The following CSDE1 variants were observed in gnomAD, a reference collection of about 807,000 sequenced individuals.
CSDE1 encodes the protein cold shock domain containing E1, also known as cold shock domain-containing protein E1.
Under a neutral mutation model 89.3 loss-of-function variants are expected in CSDE1, and 17 were observed. The ratio of observed to expected loss-of-function variants is 0.19; its 90% CI spans 0.13 to 0.29. CSDE1 has a LOEUF of 0.29. Ranked by LOEUF, CSDE1 falls within the 10% of genes least tolerant of loss-of-function variation. The probability of loss-of-function intolerance (pLI) is 1.00; values close to 1 mark genes in which losing one functional copy is unlikely to be tolerated. For missense variants in CSDE1, 672 were observed against 984.2 expected, an observed-to-expected ratio of 0.68 and a Z score of 4.24; for synonymous variants, 322 against 332.8, an observed-to-expected ratio of 0.97 and a Z score of 0.35.
intron 16 of CSDE1, 119 bp downstream of exon 16, chr1:114,723,764 T>C: frequency 1.4e-6 from 2 of 1,409,802 alleles, no homozygotes; most frequent in Non-Finnish European, 2.0e-6. Context: ...GAGGTCACTT[T>C]TCCTTAATTC....
intron 1 of CSDE1, among the ~76,000 whole-genome samples, chr1:114,752,729 A>G (rs983565025): frequency 6.6e-6 from 1 of 152,242 alleles, no homozygotes; most frequent in African/African-American, 2.4e-5. Flanking sequence ...TGACCATTCC[A>G]GCAGACTCAT....
chr1:114,754,544 T>A (rs973177972), intron 1 of CSDE1, among the ~76,000 whole-genome samples: 3 of 152,214 alleles, frequency 2.0e-5, no homozygotes, highest in African/African-American at 7.2e-5. Context: ...TTAGGCAGTA[T>A]CTTCTTTTAG....
chr1:114,743,383 G>T (rs1055037299), intron 2 of CSDE1, among the ~76,000 whole-genome samples: 8 of 152,032 alleles, frequency 5.3e-5, no homozygotes, highest in Admixed American at 3.9e-4. Flanking sequence ...GTAGAGACGG[G>T]GTTTCACCAT....
At position 114,730,241 on chromosome 1, in the gene CSDE1, G is replaced by A; in HGVS notation, c.1356+17C>T. 6.2e-7 allele frequency: 1 copy of A among 1,609,678 alleles called. No homozygotes were observed. Reference sequence around the variant, plus strand: ...AATAAACAGCTACAAAAATCATTTGGATTATGCAAAACCTACCTTCTCTTT... The same window carrying A: ...AATAAACAGCTACAAAAATCATTTGAATTATGCAAAACCTACCTTCTCTTT... On this transcript the variant is annotated intron_variant, in intron 12 of 19. Coordinates refer to ENST00000358528, the MANE Select transcript of CSDE1 (RefSeq NM_001007553.3).
intron 4 of CSDE1, 49 bp downstream of exon 4, chr1:114,737,913 AT>A: frequency 8.4e-7 from 1 of 1,187,434 alleles, no homozygotes; most frequent in Non-Finnish European, 1.3e-6. Flanking sequence ...AATGTGAAAG[AT>A]ATGCAAATGC....
At chr1:114,754,752 C>T (rs1166299607) in intron 1 of CSDE1, among the ~76,000 whole-genome samples, 2 of 152,152 alleles carry the variant, frequency 1.3e-5, no homozygotes, top group Non-Finnish European at 2.9e-5. Context: ...AATAAAAAAT[C>T]AAACTGACAC....
intron 18 of CSDE1, among the ~76,000 whole-genome samples, 193 bp downstream of exon 18, chr1:114,719,383 GGAA>G (rs1289748763): frequency 4.6e-5 from 7 of 152,154 alleles, no homozygotes; most frequent in Non-Finnish European, 7.4e-5. Flanking sequence ...ATGACTTAAT[GGAA>G]GAAGAAGAAT....
chr1:114,719,885 G>T (rs909874800), intron 17 of CSDE1, 143 bp from the exon 18 acceptor site: 2 of 725,002 alleles, frequency 2.8e-6, no homozygotes, highest in Middle Eastern at 2.7e-4. Flanking sequence ...GGCAAAACCT[G>T]TCAGGGAAGA....
chr1:114,722,571 AC>A (rs1410857868), intron 16 of CSDE1, among the ~76,000 whole-genome samples: 3 of 152,120 alleles, frequency 2.0e-5, no homozygotes, highest in Non-Finnish European at 2.9e-5. Context: ...CCTAAACAAA[AC>A]CCTTGCTTTG....
Position 114,724,136 on chromosome 1 carries a change from C to A in CSDE1, c.1754-134G>T, listed in dbSNP as rs1251784971. On this transcript the variant is annotated intron_variant, in intron 15 of 19. Transcript: ENST00000358528. Reference sequence around the variant, plus strand: ...GCTGCTATTGAAATGGGGTAGGGAACCTGAAGCCAAGTTCTATTTTTAGAA... The same window carrying A: ...GCTGCTATTGAAATGGGGTAGGGAAACTGAAGCCAAGTTCTATTTTTAGAA... The A allele has an allele frequency of 1.4e-5, 12 of 838,716 alleles. No homozygotes were observed. The East Asian group carries it at 2.3e-4, about 16-fold the overall frequency. The allele number at this position is 838,716 out of a possible 1,614,324, so 52.0% of individuals were successfully genotyped here.
chr1:114,727,298 C>T (rs1659848815), intron 12 of CSDE1, among the ~76,000 whole-genome samples: 1 of 152,148 alleles, frequency 6.6e-6, no homozygotes, highest in Non-Finnish European at 1.5e-5. Flanking sequence ...TTTAATTGGT[C>T]TTTCAATCTT....
Position 114,737,583 on chromosome 1 carries a change from A to G in CSDE1, c.310-20T>C. ...CACAACCTACCAGTCAAAAAAAAAA[A>G]AATTTCCATTGCTAATCATTTCAGG... On this transcript the variant is annotated intron_variant, in intron 4 of 19. Transcript: ENST00000358528. 1.3e-6 allele frequency: 2 copies of G among 1,597,580 alleles called. No individual in the cohort carries two copies. The highest frequency in any genetic ancestry group is 1.7e-4 in the Middle Eastern group (1 of 6,024).
intron 6 of CSDE1, 78 bp from the exon 7 acceptor site, chr1:114,734,601 A>C: frequency 9.3e-7 from 1 of 1,076,238 alleles, no homozygotes; most frequent in East Asian, 2.5e-5. Context: ...TATGAGTCTA[A>C]AGAAACTAGT....
At chr1:114,738,897 T>C (rs1660562207) in intron 3 of CSDE1, among the ~76,000 whole-genome samples, 1 of 152,004 alleles carries the variant, frequency 6.6e-6, no homozygotes, top group African/African-American at 2.4e-5. Context: ...AAGCTGGTCT[T>C]GAATTCCTGA....
In CSDE1 at chr1:114,730,347, G is replaced by A. The variant is rs1401692758; in HGVS notation, c.1267C>T (p.His423Tyr). The A allele has an allele frequency of 1.2e-6, 2 of 1,614,126 alleles. No homozygotes were observed. The highest frequency in any genetic ancestry group is 1.7e-6 in the Non-Finnish European group (2 of 1,180,008). The part of the protein sequence containing the change: ...LPKGTVSFHS[H>Y]SDHRFLGTVE... ...GTGCCCAGAAAACGGTGATCTGAAT[G>A]GGAATGAAATGAAACCGTGCCCTTG... The change falls in exon 12 of 20, where the codon CAT becomes TAT. Residue 423 changes from histidine to tyrosine, a missense_variant. Coordinates refer to ENST00000358528, the MANE Select transcript of CSDE1 (RefSeq NM_001007553.3).
At chr1:114,739,602 A>G (rs1660609014) in intron 3 of CSDE1, 90 bp downstream of exon 3, 16 of 1,115,426 alleles carry the variant, frequency 1.4e-5, no homozygotes, top group Admixed American at 1.9e-5. Flanking sequence ...TTTAATTTAC[A>G]TAAAACTTTT....
In CSDE1 at chr1:114,726,401, G is replaced by T. The variant is rs540427550; in HGVS notation, c.1465-15C>A. On this transcript the variant is annotated splice_polypyrimidine_tract_variant and intron_variant, in intron 13 of 19. Coordinates refer to ENST00000358528, the MANE Select transcript of CSDE1 (RefSeq NM_001007553.3). ...CTAAATTCAACCTGTGAAAATTAAG[G>T]ATGCTCATTAACACCATATCACTTC... The T allele has an allele frequency of 8.8e-5, 141 of 1,601,236 alleles. No homozygotes were observed. The South Asian group carries it at 1.5e-3, about 17-fold the overall frequency.
At chr1:114,755,161 T>C (rs1303791378) in intron 1 of CSDE1, among the ~76,000 whole-genome samples, 4 of 152,210 alleles carry the variant, frequency 2.6e-5, no homozygotes, top group Admixed American at 2.6e-4. Flanking sequence ...CACATTTCAA[T>C]TCAAACTAGT....
chr1:114,726,160 C>A, intron 14 of CSDE1, 51 bp downstream of exon 14: 1 of 1,517,496 alleles, frequency 6.6e-7, no homozygotes, highest in Admixed American at 2.1e-5. Flanking sequence ...ATTCCAACAC[C>A]AAAGAATGGA....
Sources: allele counts gnomAD v4.1 joint callset (sites outside exome capture counted in the v4.1 genomes callset), GRCh38; gene constraint gnomAD v4.1.1; transcripts MANE v1.5; gene names NCBI Gene and HGNC (gene_info 2026-07-23, HGNC 2026-07-21).